Variants in TGFBR1 observed in about 807,000 individuals in gnomAD.
TGFBR1 encodes the protein transforming growth factor beta receptor 1.
Under a neutral mutation model 55.1 loss-of-function variants are expected in TGFBR1, and 20 were observed. The observed-to-expected ratio is 0.36, with a 90% confidence interval of 0.26 to 0.53. The LOEUF (loss-of-function observed/expected upper bound fraction) is 0.53, where lower values mean the gene tolerates loss of function less well. Ranked by LOEUF, TGFBR1 falls within the 20% of genes least tolerant of loss-of-function variation. The pLI is 0.91. For missense variants in TGFBR1, 385 were observed against 617.6 expected (o/e 0.62, Z 3.99); for synonymous variants, 220 against 214.8 (o/e 1.02, Z -0.21).
At chr9:99,144,956 A>T in intron 6 of TGFBR1, 68 bp downstream of exon 6, 9 of 1,544,932 alleles carry the variant, frequency 5.8e-6, no homozygotes, top group Non-Finnish European at 8.0e-6. Context: ...TTTCATATAT[A>T]CATATCATTG....
intron 1 of TGFBR1, among the ~76,000 whole-genome samples, chr9:99,107,131 A>T (rs138339481): frequency 6.6e-6 from 1 of 152,256 alleles, no homozygotes; most frequent in African/African-American, 2.4e-5. Flanking sequence ...AGGAGTTTAC[A>T]GTCTCCATGG....
At chr9:99,144,669 A>G (rs1182912176) in intron 5 of TGFBR1, 63 bp from the exon 6 acceptor site, 1 of 1,600,212 alleles carries the variant, frequency 6.2e-7, no homozygotes, top group African/African-American at 1.3e-5. Flanking sequence ...TTTTGAACCT[A>G]AAGATGTGAG....
At position 99,105,137 on chromosome 9, in the gene TGFBR1, CGA is replaced by C; in HGVS notation, c.-67_-66del. 9.4e-7 allele frequency: 1 copy of C among 1,063,570 alleles called. No homozygotes were observed. The highest frequency in any genetic ancestry group is 1.1e-6 in the Non-Finnish European group (1 of 876,532). The allele number at this position is 1,063,570 out of a possible 1,614,324, so 65.9% of individuals were successfully genotyped here. The stretch of plus-strand genomic sequence containing the variant: ...CGGCGGCTAGGGAGGTGGGGCGAGG[CGA>C]GGTTTGCTGGGGTGAGGCAGCGGCG... On this transcript the variant is annotated 5_prime_UTR_variant, in exon 1 of 9. Transcript: ENST00000374994.
chr9:99,104,466 T>C (rs773314474), upstream of TGFBR1, among the ~76,000 whole-genome samples: 1 of 151,820 alleles, frequency 6.6e-6, no homozygotes, highest in Admixed American at 6.6e-5. Context: ...GGTTTGGAAC[T>C]GGGTGGGGGA....
At chr9:99,113,212 T>G (rs1826635960) in intron 1 of TGFBR1, among the ~76,000 whole-genome samples, 1 of 152,222 alleles carries the variant, frequency 6.6e-6, no homozygotes, top group Non-Finnish European at 1.5e-5. Context: ...TTTGATCTTT[T>G]GGGAGTGTGG....
upstream of TGFBR1, chr9:99,104,964 T>G: frequency 2.6e-5 from 5 of 189,416 alleles, no homozygotes; most frequent in East Asian, 1.2e-4. Context: ...CGGCTGCGGA[T>G]TGGCTGCCTG....
intron 3 of TGFBR1, among the ~76,000 whole-genome samples, chr9:99,135,226 A>G (rs1827395596): frequency 6.6e-6 from 1 of 152,140 alleles, no homozygotes; most frequent in Non-Finnish European, 1.5e-5. Flanking sequence ...GTCATAGTTC[A>G]TTGTGTACTG....
intron 6 of TGFBR1, among the ~76,000 whole-genome samples, chr9:99,146,265 G>A (rs1827793075): frequency 6.6e-6 from 1 of 152,112 alleles, no homozygotes; most frequent in Non-Finnish European, 1.5e-5. Flanking sequence ...AGATCATGAG[G>A]CAGATAGTGT....
chr9:99,126,489 G>T (rs1355353526), intron 1 of TGFBR1, among the ~76,000 whole-genome samples: 2 of 152,172 alleles, frequency 1.3e-5, no homozygotes, highest in African/African-American at 4.8e-5. Flanking sequence ...TAAAAGTAAT[G>T]CTTAGAAAAC....
chr9:99,134,806 A>T (rs1275570835), intron 3 of TGFBR1, among the ~76,000 whole-genome samples: 1 of 9,408 alleles, frequency 1.1e-4, no homozygotes. Flanking sequence ...TTTCCATTAT[A>T]TATATATATA....
At chr9:99,137,332 A>G (rs918424064) in intron 3 of TGFBR1, among the ~76,000 whole-genome samples, 7 of 152,202 alleles carry the variant, frequency 4.6e-5, no homozygotes, top group African/African-American at 1.7e-4. Flanking sequence ...CTAAAATAAG[A>G]TTTTAAAATT....
At chr9:99,121,500 G>A (rs1278410202) in intron 1 of TGFBR1, among the ~76,000 whole-genome samples, 1 of 152,134 alleles carries the variant, frequency 6.6e-6, no homozygotes, top group East Asian at 1.9e-4. Context: ...GTTGAGAATG[G>A]AGAAAAGGGG....
chr9:99,122,440 G>A (rs1222786170), intron 1 of TGFBR1, among the ~76,000 whole-genome samples: 1 of 152,012 alleles, frequency 6.6e-6, no homozygotes, highest in Non-Finnish European at 1.5e-5. Flanking sequence ...GCTTCCATAT[G>A]TGACCTCGAG....
At chr9:99,125,571 A>T (rs1410800806) in intron 1 of TGFBR1, among the ~76,000 whole-genome samples, 1 of 152,198 alleles carries the variant, frequency 6.6e-6, no homozygotes, top group Non-Finnish European at 1.5e-5. Context: ...CTGTATTGCC[A>T]TATGGTCGAT....
intron 1 of TGFBR1, among the ~76,000 whole-genome samples, chr9:99,128,315 C>G (rs1241923719): frequency 1.3e-5 from 2 of 151,890 alleles, no homozygotes; most frequent in East Asian, 3.9e-4. Flanking sequence ...GGGTTTGCAC[C>G]AAGGGGAATA....
intron 1 of TGFBR1, 35 bp downstream of exon 1, chr9:99,105,337 G>GCGCGCGGGC (rs1438301706): frequency 1.0e-6 from 1 of 980,322 alleles, no homozygotes; most frequent in Non-Finnish European, 1.2e-6. Context: ...CGACTGCGGG[G>GCGCGCGGGC]CGCGCGGGCC....
intron 5 of TGFBR1, among the ~76,000 whole-genome samples, chr9:99,143,257 T>C (rs1000860730): frequency 2.4e-4 from 36 of 152,324 alleles, no homozygotes; most frequent in Middle Eastern, 6.8e-3. Context: ...TTCAATCTTA[T>C]GATTTTTGAG....
chr9:99,115,683 G>A, intron 1 of TGFBR1, among the ~76,000 whole-genome samples: 1 of 152,122 alleles, frequency 6.6e-6, no homozygotes, highest in East Asian at 1.9e-4. Context: ...TCTTTGTTCA[G>A]CACGTGGTTG....
At chr9:99,129,425 C>G (rs1207133023) in intron 2 of TGFBR1, among the ~76,000 whole-genome samples, 1 of 152,206 alleles carries the variant, frequency 6.6e-6, no homozygotes, top group Non-Finnish European at 1.5e-5. Context: ...TTTCTTCTTC[C>G]TTGTATAATG....
Sources: gnomAD v4.1 joint callset for allele counts (sites outside exome capture counted in the v4.1 genomes callset) on GRCh38, gnomAD v4.1.1 for gene constraint, MANE v1.5 for transcripts, NCBI Gene and HGNC (gene_info 2026-07-23, HGNC 2026-07-21) for gene names.